CHAF1B: variants seen among roughly 807,000 people sequenced by gnomAD.
CHAF1B encodes the protein chromatin assembly factor 1 subunit B.
A neutral mutation model predicts 60.7 loss-of-function variants in CHAF1B; 10 were observed. The ratio of observed to expected loss-of-function variants is 0.16; its 90% CI spans 0.10 to 0.28. The LOEUF (loss-of-function observed/expected upper bound fraction) is 0.28. Ranked by LOEUF, CHAF1B falls within the 10% of genes least tolerant of loss-of-function variation. The pLI is 1.00. For missense variants in CHAF1B, 558 were observed against 708.4 expected, an observed-to-expected ratio of 0.79 and a Z score of 2.41; for synonymous variants, 261 against 266.1, an observed-to-expected ratio of 0.98 and a Z score of 0.19.
At position 36,404,593 on chromosome 21, in the gene CHAF1B, C is replaced by T. The variant is rs551248304; in HGVS notation, c.757+1742C>T. ...GGGATTACAGGCATGCGCCACCACG[C>T]CCAGCTAATTTTGTATTTTTAGTAG... On this transcript the variant is annotated intron_variant, in intron 8 of 13. Transcript: ENST00000314103. Among the ~76,000 whole-genome samples the T allele has an allele frequency of 5.2e-3, 771 of 149,088 alleles. 5 individuals are homozygous for T. The highest frequency in any genetic ancestry group is 5.7e-3 in the Non-Finnish European group (381 of 67,334).
At position 36,415,332 on chromosome 21, in the gene CHAF1B, C is replaced by T. The variant is rs752823949; in HGVS notation, c.1531C>T (p.Pro511Ser). The change falls in exon 13 of 14, where the codon CCA (proline) becomes TCA (serine). Residue 511 changes from proline (P) to serine (S), a missense_variant. Around this residue, in one of 2 missense-constraint regions of CHAF1B, gnomAD observed 233 missense variants for 214.9 expected, o/e 1.08. Coordinates refer to ENST00000314103, the MANE Select transcript of CHAF1B (RefSeq NM_005441.3). ...AACACCCTTAAAGACGGACACTCCA[C>T]CAAGTTCTGTACCAACCAGTGTGAT... ...NLTPLKTDTP[P>S]SSVPTSVIST... The T allele has an allele frequency of 3.6e-5, 58 of 1,613,010 alleles. No individual in the cohort carries two copies. The highest frequency in any genetic ancestry group is 4.9e-5 in the Non-Finnish European group (58 of 1,179,172).
chr21:36,391,731 C>T (rs1306620054), intron 4 of CHAF1B, 63 bp downstream of exon 4: 2 of 1,075,656 alleles, frequency 1.9e-6, no homozygotes, highest in East Asian at 2.4e-5. Flanking sequence ...ATGGAATATA[C>T]CTTTTGACTT....
In CHAF1B at chr21:36,407,981, G is replaced by GAA. The variant is rs376520302; in HGVS notation, c.758-771_758-770dup. On this transcript the variant is annotated intron_variant, in intron 8 of 13. Transcript: ENST00000314103. Reference sequence around the variant, plus strand: ...TGACAGAGCAAGACTCCATCTCAAAGAAAAAAAAAAGAGGGCAGCTATGTA... The same window carrying GAA: ...TGACAGAGCAAGACTCCATCTCAAAGAAAAAAAAAAAAGAGGGCAGCTATGTA... Among the ~76,000 whole-genome samples the GAA allele has an allele frequency of 2.1e-5, 3 of 139,882 alleles. No homozygotes were observed. In the South Asian group the frequency reaches 6.8e-4, roughly 31 times the overall value. The allele number at this position is 139,882 out of a possible 152,430, so 91.8% of individuals were successfully genotyped here.
At chr21:36,403,455 T>TAAAAA (rs71326686) in intron 8 of CHAF1B, among the ~76,000 whole-genome samples, 18 of 77,436 alleles carry the variant, frequency 2.3e-4, no homozygotes, top group South Asian at 1.0e-3. Flanking sequence ...ATATCTTATC[T>TAAAAA]AAAAAAAAAA....
At chr21:36,389,800 T>TGCGTGCGCGCGCGCGCGCGCGC (rs1555911825) in intron 3 of CHAF1B, among the ~76,000 whole-genome samples, 1 of 124,746 alleles carries the variant, frequency 8.0e-6, no homozygotes, top group African/African-American at 3.5e-5. Context: ...TGTGTGTGTG[T>TGCGTGCGCGCGCGCGCGCGCGC]GCGCGCGCAC....
intron 7 of CHAF1B, 73 bp downstream of exon 7, chr21:36,399,678 A>G (rs1601562251): frequency 8.3e-7 from 1 of 1,208,904 alleles, no homozygotes; most frequent in Non-Finnish European, 1.2e-6. Context: ...CTCCTCCCAT[A>G]CCCTTGCAGC....
intron 12 of CHAF1B, among the ~76,000 whole-genome samples, 154 bp from the exon 13 acceptor site, chr21:36,415,141 G>A (rs1478670404): frequency 1.3e-5 from 2 of 152,196 alleles, no homozygotes; most frequent in African/African-American, 4.8e-5. Flanking sequence ...TATTAAACAA[G>A]TGGGCACATC....
At chr21:36,387,790 T>G in intron 3 of CHAF1B, 60 bp downstream of exon 3, 1 of 1,570,504 alleles carries the variant, frequency 6.4e-7, no homozygotes, top group Non-Finnish European at 8.7e-7. Context: ...GTGTGTCTTG[T>G]GTCAGATAGT....
intron 5 of CHAF1B, among the ~76,000 whole-genome samples, chr21:36,396,211 G>A (rs1191411467): frequency 1.3e-5 from 2 of 151,296 alleles, no homozygotes; most frequent in Non-Finnish European, 2.9e-5. Context: ...TGTTGGCCAG[G>A]CTGGTCCCAA....
At chr21:36,415,226 A>C in intron 12 of CHAF1B, 69 bp from the exon 13 acceptor site, 1 of 939,342 alleles carries the variant, frequency 1.1e-6, no homozygotes, top group Non-Finnish European at 1.7e-6. Flanking sequence ...GAAGGTTGGT[A>C]TCATACATAA....
At chr21:36,404,195 G>A (rs1281150663) in intron 8 of CHAF1B, among the ~76,000 whole-genome samples, 1 of 147,518 alleles carries the variant, frequency 6.8e-6, no homozygotes, top group African/African-American at 2.5e-5. Flanking sequence ...CCGCCTCCCA[G>A]TTTCAAGCGA....
At position 36,409,374 on chromosome 21, in the gene CHAF1B, G is replaced by A; in HGVS notation, c.828G>A (p.Arg276=). ...TYVFSRKNLK[R]PIAHLPCPGK... ...CCTAACACTGCAATTAATCCATTAG[G>A]CCCATCGCTCATCTTCCATGTCCTG... The change falls in exon 10 of 14, where the codon AGG becomes AGA. Residue 276 remains arginine (R), a splice_region_variant and synonymous_variant. Coordinates refer to ENST00000314103, the MANE Select transcript of CHAF1B (RefSeq NM_005441.3). The A allele has an allele frequency of 6.2e-7, 1 of 1,611,728 alleles. No individual in the cohort carries two copies. Among genetic ancestry groups the A allele is most frequent in the Non-Finnish European group, 8.5e-7 (1 of 1,178,144 alleles).
chr21:36,410,195 T>G (rs1383180105), intron 10 of CHAF1B, among the ~76,000 whole-genome samples: 1 of 152,276 alleles, frequency 6.6e-6, no homozygotes, highest in East Asian at 1.9e-4. Flanking sequence ...ACTCCTGACC[T>G]CAGGTGATCC....
At chr21:36,389,800 T>TGTGTGTGCGCGCGCGCGCGCGC in intron 3 of CHAF1B, among the ~76,000 whole-genome samples, 34 of 124,794 alleles carry the variant, frequency 2.7e-4, no homozygotes, top group African/African-American at 1.2e-3. Flanking sequence ...TGTGTGTGTG[T>TGTGTGTGCGCGCGCGCGCGCGC]GCGCGCGCAC....
At chr21:36,411,384 G>A in intron 10 of CHAF1B, 79 bp from the exon 11 acceptor site, 2 of 1,564,136 alleles carry the variant, frequency 1.3e-6, no homozygotes, top group Non-Finnish European at 1.7e-6. Flanking sequence ...AAAGTGCTGG[G>A]ATTCTAGGCG....
intron 4 of CHAF1B, among the ~76,000 whole-genome samples, 178 bp from the exon 5 acceptor site, chr21:36,394,369 C>A (rs2086120472): frequency 6.6e-6 from 1 of 152,154 alleles, no homozygotes; most frequent in African/African-American, 2.4e-5. Context: ...GCCACAGCAC[C>A]TGGCTGATTT....
intron 8 of CHAF1B, among the ~76,000 whole-genome samples, chr21:36,405,097 A>G (rs907732932): frequency 7.2e-5 from 11 of 152,128 alleles, no homozygotes; most frequent in African/African-American, 4.8e-5. Flanking sequence ...AATATTTTCA[A>G]TTAAAATCAA....
At chr21:36,391,710 G>A (rs776564047) in intron 4 of CHAF1B, 42 bp downstream of exon 4, 1 of 1,241,976 alleles carries the variant, frequency 8.1e-7, no homozygotes, top group Non-Finnish European at 1.2e-6. Context: ...TGTTTACGAT[G>A]AGTGCATTAA....
At chr21:36,412,811 C>T (rs1296306564) in intron 11 of CHAF1B, 73 bp from the exon 12 acceptor site, 44 of 1,454,672 alleles carry the variant, frequency 3.0e-5, no homozygotes, top group East Asian at 4.6e-5. Flanking sequence ...TGATTTTGCT[C>T]GAACTTCCCT....
Sources: allele counts gnomAD v4.1 joint callset (sites outside exome capture counted in the v4.1 genomes callset), GRCh38; gene constraint gnomAD v4.1.1; regional missense constraint gnomAD v4.1.1; transcripts MANE v1.5; gene names NCBI Gene and HGNC (gene_info 2026-07-23, HGNC 2026-07-21).